The following ARAP2 variants were observed in gnomAD, a reference collection of about 807,000 sequenced individuals.
ARAP2 encodes arf-GAP with Rho-GAP domain, ANK repeat and PH domain-containing protein 2.
In ARAP2, 148 loss-of-function variants were observed where a neutral mutation model predicts 194.5. That is an observed-to-expected ratio of 0.76 (90% CI 0.67 to 0.87). The LOEUF (loss-of-function observed/expected upper bound fraction) is 0.87. Among genes scored for constraint, ARAP2 ranks in the 40% least tolerant of loss-of-function variants. ARAP2 has a pLI of 0.00. For synonymous variants in ARAP2, 695 were observed against 683.5 expected, an observed-to-expected ratio of 1.02 and a Z score of -0.26; for missense variants, 2,128 against 1,989.7, an observed-to-expected ratio of 1.07 and a Z score of -1.32.
intron 10 of ARAP2, chr4:36,005,691 C>T (rs1713141245): frequency 6.6e-6 from 1 of 152,070 alleles, no homozygotes; most frequent in African/African-American, 2.4e-5. Context: ...ACAGAAAACT[C>T]AGGGAAGAAA....
intron 32 of ARAP2, among the ~76,000 whole-genome samples, chr4:36,071,848 C>T (rs1254320445): frequency 4.6e-5 from 7 of 151,700 alleles, no homozygotes; most frequent in Non-Finnish European, 8.8e-5. Flanking sequence ...TATCCCTCCC[C>T]GCTCCCCCCA....
intron 19 of ARAP2, 29 bp from the exon 20 acceptor site, chr4:36,133,418 A>T: frequency 6.3e-7 from 1 of 1,587,320 alleles, no homozygotes; most frequent in Non-Finnish European, 8.6e-7. Context: ...ATTTCAAATT[A>T]TAATTTTGCT....
chr4:36,203,983 A>C (rs1209695223), intron 6 of ARAP2, among the ~76,000 whole-genome samples: 2 of 152,204 alleles, frequency 1.3e-5, no homozygotes, highest in African/African-American at 4.8e-5. Flanking sequence ...TATGCCATAA[A>C]AAGAACAGTC....
intron 19 of ARAP2, among the ~76,000 whole-genome samples, chr4:36,146,526 G>A (rs1471594703): frequency 1.3e-5 from 2 of 151,910 alleles, no homozygotes; most frequent in Non-Finnish European, 2.9e-5. Flanking sequence ...ACTTGGACAT[G>A]CCAAGCACAA....
intron 6 of ARAP2, among the ~76,000 whole-genome samples, chr4:36,204,874 G>A (rs776725334): frequency 6.6e-6 from 1 of 150,682 alleles, no homozygotes; most frequent in Non-Finnish European, 1.5e-5. Context: ...CTGTAATCCC[G>A]ACTACTCGGG....
At chr4:36,017,563 G>GT (rs1716060150) in intron 6 of ARAP2, among the ~76,000 whole-genome samples, 10 of 6,532 alleles carry the variant, frequency 1.5e-3, no homozygotes, top group African/African-American at 0.015. Flanking sequence ...TAAGAAAGTG[G>GT]TAAAAAAAAA....
At chr4:36,111,608 C>A (rs899237019) in intron 26 of ARAP2, among the ~76,000 whole-genome samples, 2 of 151,922 alleles carry the variant, frequency 1.3e-5, no homozygotes, top group Non-Finnish European at 2.9e-5. Context: ...ATAAAGACAA[C>A]TTTATTTTAA....
At chr4:36,085,660 T>C (rs1273849236) in intron 28 of ARAP2, among the ~76,000 whole-genome samples, 1 of 152,030 alleles carries the variant, frequency 6.6e-6, no homozygotes, top group East Asian at 1.9e-4. Flanking sequence ...CCAAAATGTC[T>C]TCAAATTATT....
chr4:36,138,986 C>A (rs2109651893), intron 19 of ARAP2, among the ~76,000 whole-genome samples: 1 of 151,666 alleles, frequency 6.6e-6, no homozygotes, highest in African/African-American at 2.4e-5. Flanking sequence ...CATTTCTATT[C>A]ATCATTTTTT....
intron 20 of ARAP2, among the ~76,000 whole-genome samples, chr4:36,130,735 C>T (rs1725224627): frequency 6.6e-6 from 1 of 151,790 alleles, no homozygotes; most frequent in Non-Finnish European, 1.5e-5. Context: ...TGTGACATAT[C>T]TCTGTATATA....
chr4:36,063,136 A>C (rs1372798645), downstream of ARAP2, among the ~76,000 whole-genome samples: 2 of 152,220 alleles, frequency 1.3e-5, no homozygotes, highest in African/African-American at 4.8e-5. Context: ...CAAAGAAAAC[A>C]GTCATGTAGT....
intron 5 of ARAP2, among the ~76,000 whole-genome samples, chr4:36,028,652 T>C (rs555595883): frequency 6.6e-6 from 1 of 151,924 alleles, no homozygotes; most frequent in Non-Finnish European, 1.5e-5. Context: ...ATTAATTATG[T>C]TTTTTCCTGT....
At chr4:36,015,698 G>A (rs1715657442) in intron 7 of ARAP2, 2 of 152,170 alleles carry the variant, frequency 1.3e-5, no homozygotes. Flanking sequence ...CATTCTACTG[G>A]TCAAAGTTTG....
chr4:36,098,106 C>A (rs10005052), intron 27 of ARAP2, among the ~76,000 whole-genome samples: 1 of 151,824 alleles, frequency 6.6e-6, no homozygotes, highest in Non-Finnish European at 1.5e-5. Flanking sequence ...TTTTTTAGTA[C>A]AAAAATAGTT....
At chr4:36,036,054 T>C (rs1719868222) in intron 5 of ARAP2, among the ~76,000 whole-genome samples, 1 of 152,152 alleles carries the variant, frequency 6.6e-6, no homozygotes, top group Admixed American at 6.6e-5. Flanking sequence ...GGTCTTGCTG[T>C]CTTGCAAAGC....
At chr4:36,180,815 A>C (rs1023821192) in intron 8 of ARAP2, among the ~76,000 whole-genome samples, 2 of 152,258 alleles carry the variant, frequency 1.3e-5, no homozygotes, top group African/African-American at 4.8e-5. Flanking sequence ...TGAGGGACTC[A>C]GTTACTAATA....
rs1322642755 is a variant in ARAP2 at position 36,091,922 on chromosome 4, C to T, written c.4384G>A (p.Val1462Ile). 1 of 1,607,686 alleles carries T rather than the reference C, an allele frequency of 6.2e-7. No homozygotes were observed. Among genetic ancestry groups the T allele is most frequent in the East Asian group, 2.2e-5 (1 of 44,666 alleles). ...SGNKFQDRYF[V>I]LRDGFLFLYK... ...AGAAAGAGAAACCCATCTCGTAAAA[C>T]AAAATACCGGTCTTGAAACTTATTT... Residue 1462 changes from valine to isoleucine, a missense_variant, in exon 28 of 33, where the codon GTT becomes ATT. Val to Ile is a conservative substitution (Grantham distance 29). Transcript: ENST00000303965.
intron 8 of ARAP2, among the ~76,000 whole-genome samples, chr4:36,183,546 G>A (rs1430560177): frequency 1.3e-5 from 2 of 152,132 alleles, no homozygotes; most frequent in Middle Eastern, 3.2e-3. Flanking sequence ...AAAACATCAC[G>A]AGTGTTTTGA....
At chr4:36,186,400 G>A (rs886435433) in intron 8 of ARAP2, among the ~76,000 whole-genome samples, 5 of 152,106 alleles carry the variant, frequency 3.3e-5, no homozygotes, top group African/African-American at 7.2e-5. Context: ...TCTTTGGGTC[G>A]GCTTTTACCA....
Sources: gnomAD v4.1 joint callset for allele counts (sites outside exome capture counted in the v4.1 genomes callset) on GRCh38, gnomAD v4.1.1 for gene constraint, MANE v1.5 for transcripts, NCBI Gene and HGNC (gene_info 2026-07-23, HGNC 2026-07-21) for gene names.